SHROOM2: variants seen among roughly 807,000 people sequenced by gnomAD.
The protein encoded by SHROOM2 is shroom family member 2.
In SHROOM2, 33 loss-of-function variants were observed where a neutral mutation model predicts 75.9. The ratio of observed to expected loss-of-function variants is 0.43; its 90% CI spans 0.33 to 0.58. SHROOM2 has a LOEUF of 0.58. Ranked by LOEUF, SHROOM2 falls within the 20% of genes least tolerant of loss-of-function variation. SHROOM2 has a pLI of 0.04. For synonymous variants in SHROOM2, 655 were observed against 663.6 expected, an observed-to-expected ratio of 0.99 and a Z score of 0.20; for missense variants, 1,434 against 1,461.2, an observed-to-expected ratio of 0.98 and a Z score of 0.30.
chrX:9,929,322 C>T, intron 5 of SHROOM2, among the ~76,000 whole-genome samples: 1 of 111,861 alleles, frequency 8.9e-6, no homozygotes, highest in Non-Finnish European at 1.9e-5. Context: ...TGTGCTGCTG[C>T]AGGTCTGAAT....
At chrX:9,879,684 A>G (rs2084220825) in intron 2 of SHROOM2, among the ~76,000 whole-genome samples, 1 of 112,547 alleles carries the variant, frequency 8.9e-6, no homozygotes, top group Non-Finnish European at 1.9e-5. Context: ...TAGCTAATTT[A>G]ATCAGATGAA....
intron 1 of SHROOM2, among the ~76,000 whole-genome samples, chrX:9,871,580 T>G (rs2084171489): frequency 8.9e-6 from 1 of 112,393 alleles, no homozygotes; most frequent in Non-Finnish European, 1.9e-5. Flanking sequence ...TCTAGAACTT[T>G]TGAAACCAGT....
chrX:9,902,978 A>C (rs2084372625), intron 5 of SHROOM2, among the ~76,000 whole-genome samples: 1 of 112,122 alleles, frequency 8.9e-6, no homozygotes, highest in Non-Finnish European at 1.9e-5. Flanking sequence ...TCCCAATACC[A>C]GCTGCAAAAT....
At chrX:9,800,965 A>G (rs774966756) in intron 1 of SHROOM2, among the ~76,000 whole-genome samples, 1 of 111,603 alleles carries the variant, frequency 9.0e-6, no homozygotes, top group African/African-American at 3.3e-5. Context: ...CTCGTTTGCC[A>G]GTAACTCTTC....
chrX:9,868,010 G>T (rs1207963318), intron 1 of SHROOM2, among the ~76,000 whole-genome samples: 1 of 109,849 alleles, frequency 9.1e-6, no homozygotes, highest in African/African-American at 3.3e-5. Context: ...GTGCTTGTGG[G>T]AATGAGACAC....
At chrX:9,816,113 C>T (rs1251067839) in intron 1 of SHROOM2, among the ~76,000 whole-genome samples, 1 of 112,556 alleles carries the variant, frequency 8.9e-6, no homozygotes, top group African/African-American at 3.2e-5. Context: ...TAGTGTGTAT[C>T]AGTCATTCCT....
intron 2 of SHROOM2, among the ~76,000 whole-genome samples, chrX:9,886,155 C>A (rs769523860): frequency 1.8e-5 from 2 of 111,680 alleles, no homozygotes; most frequent in Non-Finnish European, 3.8e-5. Context: ...AGGTGAGATG[C>A]ATTTTCTGAA....
intron 3 of SHROOM2, among the ~76,000 whole-genome samples, chrX:9,891,357 G>C (rs2084290951): frequency 8.9e-6 from 1 of 112,546 alleles, no homozygotes; most frequent in Non-Finnish European, 1.9e-5. Context: ...GGATTGGCCA[G>C]GTGGGATGCC....
At chrX:9,923,643 C>G (rs1038673158) in intron 5 of SHROOM2, among the ~76,000 whole-genome samples, 1 of 111,960 alleles carries the variant, frequency 8.9e-6, no homozygotes, top group East Asian at 2.8e-4. Context: ...GGCTCACGCT[C>G]TGGAACCAAG....
At chrX:9,823,170 CTT>C (rs2083868517) in intron 1 of SHROOM2, among the ~76,000 whole-genome samples, 22 of 24,810 alleles carry the variant, frequency 8.9e-4, no homozygotes, top group Non-Finnish European at 1.5e-3. Flanking sequence ...TTCTTTTCTT[CTT>C]CTTCTTCTTC....
intron 1 of SHROOM2, among the ~76,000 whole-genome samples, chrX:9,789,021 T>G (rs933332038): frequency 7.1e-5 from 8 of 111,903 alleles, no homozygotes; most frequent in Non-Finnish European, 1.1e-4. Flanking sequence ...TAGACTGGCC[T>G]TTAGGGTGGT....
intron 1 of SHROOM2, among the ~76,000 whole-genome samples, chrX:9,817,145 G>T (rs1185744540): frequency 9.1e-6 from 1 of 109,551 alleles, no homozygotes; most frequent in Non-Finnish European, 1.9e-5. Context: ...GCTAATTTCT[G>T]TATTTTTTGT....
At chrX:9,873,920 CT>C in intron 2 of SHROOM2, 117 bp downstream of exon 2, 1 of 776,564 alleles carries the variant, frequency 1.3e-6, no homozygotes, top group Non-Finnish European at 1.8e-6. Context: ...GGGACATGCA[CT>C]TAGAGTTATA....
rs979061820 is a variant in SHROOM2 at position 9,887,595 on chromosome X, A to T, written c.318-3382A>T. On this transcript the variant is annotated intron_variant, in intron 2 of 9. Transcript: ENST00000380913. ...AGTGGCCCCAAAATTAGTGGTGTCA[A>T]ACAGAAGTTCTAGTTGTAAAATTGA... 3.5e-5 allele frequency among the ~76,000 whole-genome samples: 4 copies of T among 112,953 alleles called. No individual in the cohort carries two copies. In the East Asian group the frequency reaches 1.1e-3, roughly 31 times the overall value.
At chrX:9,795,663 C>T (rs938814968) in intron 1 of SHROOM2, among the ~76,000 whole-genome samples, 2 of 111,068 alleles carry the variant, frequency 1.8e-5, no homozygotes, top group African/African-American at 6.6e-5. Context: ...TTGGACACTC[C>T]GTGCATGGGG....
Position 9,942,548 on chromosome X carries a change from G to A in SHROOM2, c.4312-2093G>A, listed in dbSNP as rs562460580. Among the ~76,000 whole-genome samples the A allele has an allele frequency of 1.6e-4, 18 of 111,929 alleles. No individual in the cohort carries two copies. The South Asian group carries it at 2.2e-3, about 14-fold the overall frequency. On this transcript the variant is annotated intron_variant, in intron 8 of 9. Coordinates refer to ENST00000380913, the MANE Select transcript of SHROOM2 (RefSeq NM_001649.4). ...TTAGTTTCCATTACTTTGCTAGAGT[G>A]GCTCACAGAACTCAGGGAAACATTT...
chrX:9,819,967 T>A (rs925075843), intron 1 of SHROOM2, among the ~76,000 whole-genome samples: 1 of 108,400 alleles, frequency 9.2e-6, no homozygotes, highest in Non-Finnish European at 1.9e-5. Flanking sequence ...CTAATTTTTT[T>A]AATTTTTATT....
intron 6 of SHROOM2, among the ~76,000 whole-genome samples, chrX:9,935,550 A>T (rs1403134069): frequency 9.0e-6 from 1 of 110,657 alleles, no homozygotes; most frequent in Non-Finnish European, 1.9e-5. Context: ...AATTGTCTTC[A>T]TGAGGAAGCA....
intron 1 of SHROOM2, among the ~76,000 whole-genome samples, chrX:9,866,801 G>A (rs1283871419): frequency 9.9e-6 from 1 of 100,642 alleles, no homozygotes; most frequent in Non-Finnish European, 2.0e-5. Flanking sequence ...ATTCCAGGGC[G>A]GGGTCCTCGT....
Sources: gnomAD v4.1 joint callset for allele counts (sites outside exome capture counted in the v4.1 genomes callset) on GRCh38, gnomAD v4.1.1 for gene constraint, MANE v1.5 for transcripts, NCBI Gene and HGNC (gene_info 2026-07-23, HGNC 2026-07-21) for gene names.